Variants in SP140 observed in about 807,000 individuals in gnomAD.
The protein encoded by SP140 is nuclear body protein SP140.
SP140 carries 81 observed loss-of-function variants against 125.0 expected under a neutral mutation model. The ratio of observed to expected loss-of-function variants is 0.65; its 90% confidence interval spans 0.54 to 0.78. The LOEUF (loss-of-function observed/expected upper bound fraction) is 0.78, where lower values mean the gene tolerates loss of function less well. Among genes scored for constraint, SP140 ranks in the 30% least tolerant of loss-of-function variants. The probability of loss-of-function intolerance (pLI) is 0.00; values close to 1 mark genes in which losing one functional copy is unlikely to be tolerated. For missense variants in SP140, 858 were observed against 1,037.0 expected (o/e 0.83, Z 2.37); for synonymous variants, 312 against 354.0 (o/e 0.88, Z 1.33).
At chr2:230,293,957 C>T (rs991211777) in intron 20 of SP140, among the ~76,000 whole-genome samples, 2 of 152,084 alleles carry the variant, frequency 1.3e-5, no homozygotes, top group African/African-American at 2.4e-5. Context: ...TGTAAGGACT[C>T]CAGCTGGAGT....
chr2:230,254,795 T>C (rs984218391), intron 11 of SP140, among the ~76,000 whole-genome samples: 3 of 152,232 alleles, frequency 2.0e-5, no homozygotes, highest in African/African-American at 7.2e-5. Flanking sequence ...GCTTCCACCC[T>C]TCATGGGGCC....
chr2:230,213,286 T>G lies in SP140; in HGVS notation c.-322-368T>G, dbSNP rs1480645337. On this transcript the variant is annotated intron_variant, in intron 1 of 4. Coordinates refer to the SP140 transcript ENST00000456542. ...ACCAAAATGGTTTCACACATAAAAG[T>G]TGAGTTTGGGTTTGTACCCAGGGGT... Among the ~76,000 whole-genome samples, 3 of 152,284 alleles carry G rather than the reference T, an allele frequency of 2.0e-5. 1 individual carries two copies. In the South Asian group the frequency reaches 6.2e-4, roughly 32 times the overall value.
At position 230,255,564 on chromosome 2, in the gene SP140, G is replaced by T. The variant is rs775896706; in HGVS notation, c.1240+32G>T. 5.0e-6 allele frequency: 8 copies of T among 1,601,072 alleles called. No individual in the cohort carries two copies. The South Asian group carries it at 8.8e-5, about 18-fold the overall frequency. ...ACGGGGGGGGGGATTTCTGGCCCTG[G>T]GCTGCAGAGTGTCAGGAGGTTGAAT... On this transcript the variant is annotated intron_variant, in intron 12 of 26. Coordinates refer to ENST00000392045, the MANE Select transcript of SP140 (RefSeq NM_007237.5).
chr2:230,196,345 G>C, the SP140 span, among the ~76,000 whole-genome samples: 3 of 152,034 alleles, frequency 2.0e-5, no homozygotes, highest in Non-Finnish European at 4.4e-5. Flanking sequence ...TGAATCATAC[G>C]TAACGTGCCA....
In SP140 at chr2:230,312,851, A is replaced by G. The variant is rs145435890; in HGVS notation, c.*167A>G. The G allele has an allele frequency of 1.5e-4, 81 of 542,478 alleles. No homozygotes were observed. In the East Asian group the frequency reaches 2.0e-3, roughly 13 times the overall value. The allele number at this position is 542,478 out of a possible 1,614,324, so 33.6% of individuals were successfully genotyped here. A position where few individuals can be genotyped will look rare whatever the true frequency, so the allele number is the denominator to read the frequency against. Reference sequence around the variant, plus strand: ...AGACAAATCCTCAAAAGGAAATTCAATCATCATGAATCACAACCCCAAGTA... The same window carrying G: ...AGACAAATCCTCAAAAGGAAATTCAGTCATCATGAATCACAACCCCAAGTA... On this transcript the variant is annotated 3_prime_UTR_variant, in exon 27 of 27. Coordinates refer to ENST00000392045, the MANE Select transcript of SP140 (RefSeq NM_007237.5).
intron 22 of SP140, among the ~76,000 whole-genome samples, chr2:230,307,990 TACACACAC>T (rs139416979): frequency 1.1e-4 from 6 of 52,638 alleles, no homozygotes; most frequent in Admixed American, 1.9e-4. Flanking sequence ...TATATATATA[TACACACAC>T]ACACACACAC....
chr2:230,248,730 C>T (rs74551082), intron 8 of SP140, among the ~76,000 whole-genome samples, 155 bp from the exon 9 acceptor site: 3 of 152,104 alleles, frequency 2.0e-5, no homozygotes, highest in African/African-American at 4.8e-5. Flanking sequence ...CTGAGAATTA[C>T]AGAGAAGGAG....
chr2:230,256,170 T>C (rs1362152447), intron 12 of SP140, among the ~76,000 whole-genome samples: 2 of 152,190 alleles, frequency 1.3e-5, no homozygotes, highest in Non-Finnish European at 2.9e-5. Flanking sequence ...ATCCCATTAC[T>C]GGGTATATAC....
chr2:230,263,009 A>T (rs566333116), intron 12 of SP140, among the ~76,000 whole-genome samples: 34 of 152,158 alleles, frequency 2.2e-4, no homozygotes, highest in African/African-American at 7.9e-4. Flanking sequence ...CCATTGTTTC[A>T]TTGTTGACTT....
In SP140 at chr2:230,248,760, G is replaced by A. The variant is rs377647269; in HGVS notation, c.893-125G>A. On this transcript the variant is annotated intron_variant, in intron 8 of 26. Coordinates refer to ENST00000392045, the MANE Select transcript of SP140 (RefSeq NM_007237.5). ...AAGGAGAAAGAGGAGCTGCAACAAG[G>A]TGGAGAAAAGGCGGAACAAGACAGG... 1.8e-4 allele frequency: 130 copies of A among 704,140 alleles called. 1 individual carries two copies. The highest frequency in any genetic ancestry group is 1.0e-3 in the East Asian group (38 of 37,604). 43.6% of individuals were successfully genotyped at this position (704,140 alleles called of 1,614,324 possible).
In SP140 at chr2:230,312,806, A is replaced by G; in HGVS notation, c.*122A>G. On this transcript the variant is annotated 3_prime_UTR_variant, in exon 27 of 27. Transcript: ENST00000392045. ...ACATGCAGGGAGGGGCTTTTCTCTG[A>G]GCCTCCTTCATCTGCCCAAAGACAA... 5.8e-6 allele frequency: 4 copies of G among 693,584 alleles called. No individual in the cohort carries two copies. Among genetic ancestry groups the G allele is most frequent in the Non-Finnish European group, 1.0e-5 (4 of 391,904 alleles). 43.0% of individuals were successfully genotyped at this position (693,584 alleles called of 1,614,324 possible).
intron 12 of SP140, among the ~76,000 whole-genome samples, chr2:230,266,675 A>G (rs763220646): frequency 6.6e-6 from 1 of 152,230 alleles, no homozygotes; most frequent in East Asian, 1.9e-4. Context: ...GGTTGTTGAC[A>G]TAATCCAGTT....
the SP140 span, chr2:230,186,225 C>A: frequency 7.6e-7 from 1 of 1,322,074 alleles, no homozygotes; most frequent in South Asian, 1.2e-5. Flanking sequence ...GTTATCTTGC[C>A]ATTTCTCTAT....
rs376654310 is a variant in SP140 at position 230,244,956 on chromosome 2, T to C, written c.572-32T>C. ...TTCAGCAGGAGCATCCTGAGGTCTG[T>C]GCTCTCATCACTGTGCCTTGTTTAT... is the stretch of plus-strand genomic sequence containing the variant. On this transcript the variant is annotated intron_variant, in intron 5 of 26. Transcript: ENST00000392045. 2.7e-6 allele frequency: 4 copies of C among 1,487,544 alleles called. No individual in the cohort carries two copies. The African/African-American group carries it at 5.5e-5, about 21-fold the overall frequency. The allele number at this position is 1,487,544 out of a possible 1,614,324, so 92.1% of individuals were successfully genotyped here. A position where few individuals can be genotyped will look rare whatever the true frequency, so the allele number is the denominator to read the frequency against.
In SP140 at chr2:230,285,852, C is replaced by T. The variant is rs186171489; in HGVS notation, c.1645+20C>T. 2.2e-3 allele frequency: 3,420 copies of T among 1,582,726 alleles called. 5 individuals are homozygous for T. Among genetic ancestry groups the T allele is most frequent in the Non-Finnish European group, 2.6e-3 (3,044 of 1,151,518 alleles). ...TTAGGGGTAAGATAAAGTTTGTCCG[C>T]TTTCCCTTTGCCCTACAGGTCAATA... On this transcript the variant is annotated intron_variant, in intron 17 of 26. Coordinates refer to ENST00000392045, the MANE Select transcript of SP140 (RefSeq NM_007237.5).
At chr2:230,202,487 G>C (rs948694171), upstream of SP140, 14 of 1,218,474 alleles carry the variant, frequency 1.1e-5, no homozygotes, top group Non-Finnish European at 1.7e-5. Flanking sequence ...TTTTACTATT[G>C]ACTTTACATA....
chr2:230,213,259 A>T (rs1485453584), intron 1 of SP140, among the ~76,000 whole-genome samples: 2 of 152,186 alleles, frequency 1.3e-5, no homozygotes, highest in Non-Finnish European at 2.9e-5. Flanking sequence ...CCCTGATCTA[A>T]TACCAAAATG....
chr2:230,298,222 C>G (rs562525977), intron 22 of SP140, among the ~76,000 whole-genome samples: 5 of 152,196 alleles, frequency 3.3e-5, no homozygotes, highest in African/African-American at 1.2e-4. Flanking sequence ...TGGATGAGTC[C>G]CTTCTCTAAA....
intron 15 of SP140, among the ~76,000 whole-genome samples, chr2:230,277,200 C>T (rs1418890468): frequency 1.3e-5 from 2 of 152,116 alleles, no homozygotes; most frequent in African/African-American, 2.4e-5. Flanking sequence ...ATTTAGCAAA[C>T]TTCATTACTG....
Sources: allele counts gnomAD v4.1 joint callset (sites outside exome capture counted in the v4.1 genomes callset), GRCh38; gene constraint gnomAD v4.1.1; transcripts MANE v1.5; gene names NCBI Gene and HGNC (gene_info 2026-07-23, HGNC 2026-07-21).